Variants in FASN observed in about 807,000 individuals in gnomAD.
The protein encoded by FASN is fatty acid synthase.
In FASN, 50 loss-of-function variants were observed where a neutral mutation model predicts 250.0. The observed-to-expected ratio is 0.20, with a 90% confidence interval of 0.16 to 0.25. The LOEUF (loss-of-function observed/expected upper bound fraction) is 0.25, where lower values mean the gene tolerates loss of function less well. Among genes scored for constraint, FASN ranks in the 10% least tolerant of loss-of-function variants. The pLI is 1.00. For missense variants in FASN, 3,031 were observed against 3,498.5 expected, an observed-to-expected ratio of 0.87 and a Z score of 3.37; for synonymous variants, 1,909 against 1,584.0, an observed-to-expected ratio of 1.21 and a Z score of -4.87.
Position 82,080,254 on chromosome 17 carries a change from G to A in FASN, c.7048-16C>T. On this transcript the variant is annotated splice_polypyrimidine_tract_variant and intron_variant, in intron 40 of 42. Transcript: ENST00000306749. ...CCCGGTAGCTCTGAGAGGAAGGAGG[G>A]ACTGCTGAGCAGATGGAAGGGGCGG... 1 of 1,612,788 alleles carries A rather than the reference G, an allele frequency of 6.2e-7. No homozygotes were observed. Among genetic ancestry groups the A allele is most frequent in the Non-Finnish European group, 8.5e-7 (1 of 1,179,822 alleles).
rs2034033500 is a variant in FASN at position 82,083,701 on chromosome 17, G to A, written c.5219-62C>T. The A allele has an allele frequency of 4.4e-6, 7 of 1,605,922 alleles. No individual in the cohort carries two copies. The East Asian group carries it at 8.9e-5, about 21-fold the overall frequency. On this transcript the variant is annotated intron_variant, in intron 30 of 42. Coordinates refer to ENST00000306749, the MANE Select transcript of FASN (RefSeq NM_004104.5). ...GCAAGCCCAGCCACCACAGTCCAGA[G>A]GGCCAGACCCTGCTTCTCCCTGGGC...
Position 82,079,114 on chromosome 17 carries a change from G to T in FASN, c.*29C>A. 6.2e-7 allele frequency: 1 copy of T among 1,600,808 alleles called. No homozygotes were observed. Among genetic ancestry groups the T allele is most frequent in the Non-Finnish European group, 8.5e-7 (1 of 1,177,832 alleles). On this transcript the variant is annotated 3_prime_UTR_variant, in exon 43 of 43. Transcript: ENST00000306749. ...TGGGGTGGGGTGGGGATGGTGGAGT[G>T]ACCTCCGGTGGCAGGCGGGGGCACG...
rs747450882 is a variant in FASN at position 82,087,514 on chromosome 17, G to A, written c.3044-10C>T. On this transcript the variant is annotated splice_polypyrimidine_tract_variant and intron_variant, in intron 19 of 42. Transcript: ENST00000306749. ...AGCCTCCCCGAGTCACCTGCACACA[G>A]GGCCTGGTTGGTGCTGTGGAACTCC... is the stretch of plus-strand genomic sequence containing the variant. 1 of 1,611,718 alleles carries A rather than the reference G, an allele frequency of 6.2e-7. No individual in the cohort carries two copies. The highest frequency in any genetic ancestry group is 8.5e-7 in the Non-Finnish European group (1 of 1,179,954).
rs753346824 is a variant in FASN, at chr17:82,084,571, G to A, written c.4710C>T (p.Ser1570=). The A allele has an allele frequency of 1.5e-5, 24 of 1,611,586 alleles. 1 individual carries two copies. Among genetic ancestry groups the A allele is most frequent in the Admixed American group, 3.3e-5 (2 of 59,856 alleles). The part of the protein sequence containing the change: ...GAQLCTVYYA[S]LNFRDIMLAT... ...CCAGCATGATGTCGCGGAAGTTGAG[G>A]GAGGCGTAGTAGACCGTGCAGAGCT... The change falls in exon 27 of 43, where the codon TCC becomes TCT. Residue 1570 remains serine, a synonymous_variant. Transcript: ENST00000306749.
chr17:82,086,432 G>A lies in FASN; in HGVS notation c.3554C>T (p.Ala1185Val). ...GTTCCCGTTGAGCTGAAGCCTGCAG[G>A]CAGCCGACAACAGCCGGGGCAGTTC... is the stretch of plus-strand genomic sequence containing the variant. ...QQELPRLLSA[A>V]CRLQLNGNLQ... The change falls in exon 22 of 43, where the codon GCC (alanine) becomes GTC (valine). Residue 1185 changes from alanine to valine, a missense_variant. Coordinates refer to ENST00000306749, the MANE Select transcript of FASN (RefSeq NM_004104.5). The A allele has an allele frequency of 5.0e-6, 8 of 1,611,822 alleles. No individual in the cohort carries two copies. Among genetic ancestry groups the A allele is most frequent in the Non-Finnish European group, 6.8e-6 (8 of 1,179,878 alleles).
In FASN at chr17:82,089,342, C is replaced by T. The variant is rs1011236689; in HGVS notation, c.2008G>A (p.Val670Met). The T allele has an allele frequency of 6.2e-7, 1 of 1,612,862 alleles. No individual in the cohort carries two copies. The highest frequency in any genetic ancestry group is 1.3e-5 in the African/African-American group (1 of 75,042). Residue 670 changes from valine (V) to methionine (M), a missense_variant, in exon 13 of 43, where the codon GTG (valine) becomes ATG (methionine). Transcript: ENST00000306749. ...EFVEQLRKEGVFAKEVRTGGM... is the reference protein window; with the variant it reads ...EFVEQLRKEGMFAKEVRTGGM... ...CCGGTCCGCACCTCCTTGGCAAACA[C>T]ACCCTCCTTCCTCAGCTGCTCCACG...
In FASN at chr17:82,089,703, G is replaced by T. The variant is rs1180733753; in HGVS notation, c.1894C>A (p.Gln632Lys). 6.3e-7 allele frequency: 1 copy of T among 1,586,264 alleles called. No individual in the cohort carries two copies. Residue 632 changes from glutamine to lysine, a missense_variant, in exon 12 of 43, where the codon CAG (glutamine) becomes AAG (lysine). Physicochemically the swap from Gln to Lys is moderately conservative, Grantham distance 53. Transcript: ENST00000306749. ...AVGLSWEECK[Q>K]RCPPGVVPAC... ...GGCACCACGCCCGGGGGGCAGCGCTGTTTACACTCCTCCCAGGACAAGCCT... is the reference window on the plus strand; with the variant it reads ...GGCACCACGCCCGGGGGGCAGCGCTTTTTACACTCCTCCCAGGACAAGCCT...
At chr17:82,091,164 C>A in intron 9 of FASN, 58 bp downstream of exon 9, 1 of 1,599,386 alleles carries the variant, frequency 6.3e-7, no homozygotes, top group East Asian at 2.2e-5. Context: ...CCACCAGCTC[C>A]AGTTCGCCTG....
At chr17:82,096,908 C>A in intron 1 of FASN, 2 of 271,488 alleles carry the variant, frequency 7.4e-6, no homozygotes, top group South Asian at 7.5e-5. Flanking sequence ...AGGTGGCCAG[C>A]CTGCTAAGGG....
chr17:82,096,364 C>T lies in FASN; in HGVS notation c.82G>A (p.Gly28Ser), dbSNP rs1255742032. 8 of 1,612,900 alleles carry T rather than the reference C, an allele frequency of 5.0e-6. No homozygotes were observed. The highest frequency in any genetic ancestry group is 1.1e-5 in the South Asian group (1 of 91,094). ...TCGTCCGTGACCATGTCCACACCGC[C>T]GATGAGGTTGTCCCAGAACTCCTGC... is the stretch of plus-strand genomic sequence containing the variant. Reference protein sequence around the residue: ...NLQEFWDNLIGGVDMVTDDDR... With the variant: ...NLQEFWDNLISGVDMVTDDDR... Residue 28 changes from glycine to serine, a missense_variant, in exon 2 of 43, where the codon GGC (glycine) becomes AGC (serine). By Grantham distance (56) the Gly-to-Ser change is moderately conservative. Coordinates refer to ENST00000306749, the MANE Select transcript of FASN (RefSeq NM_004104.5).
chr17:82,084,209 A>C, intron 28 of FASN, 25 bp downstream of exon 28: 1 of 1,610,598 alleles, frequency 6.2e-7, no homozygotes, highest in Non-Finnish European at 8.5e-7. Flanking sequence ...CGTGGGGCCC[A>C]GGCTCACACC....
chr17:82,090,789 G>A (rs1568114738), intron 10 of FASN, 93 bp downstream of exon 10: 1 of 1,447,688 alleles, frequency 6.9e-7, no homozygotes, highest in East Asian at 2.5e-5. Flanking sequence ...GGGCTGTCAG[G>A]GGCCCCGGAC....
intron 12 of FASN, 56 bp from the exon 13 acceptor site, chr17:82,089,440 G>A (rs867897507): frequency 1.4e-5 from 23 of 1,612,202 alleles, no homozygotes; most frequent in Middle Eastern, 3.3e-4. Context: ...CCTCAGGCTC[G>A]GAGAGGTAGG....
Position 82,080,045 on chromosome 17 carries a change from T to G in FASN, c.7146+95A>C. 3.0e-6 allele frequency: 4 copies of G among 1,347,898 alleles called. No homozygotes were observed. The South Asian group carries it at 4.7e-5, about 16-fold the overall frequency. 83.5% of individuals were successfully genotyped at this position (1,347,898 alleles called of 1,614,324 possible). A position where few individuals can be genotyped will look rare whatever the true frequency, so the allele number is the denominator to read the frequency against. ...TAAAGGGGTGAAGTTGGGGGGCCTT[T>G]AACGCTCTTCGCGTCCCATCCCATC... On this transcript the variant is annotated intron_variant, in intron 41 of 42. Coordinates refer to ENST00000306749, the MANE Select transcript of FASN (RefSeq NM_004104.5).
Position 82,085,020 on chromosome 17 carries a change from G to C in FASN, c.4409+15C>G, listed in dbSNP as rs1351528132. The stretch of plus-strand genomic sequence containing the variant: ...CTGGTGGGGAAGGGGAAGTGGTGAG[G>C]GGCCGTGCTCCTACCGGAGGCGGTT... On this transcript the variant is annotated intron_variant, in intron 25 of 42. Coordinates refer to ENST00000306749, the MANE Select transcript of FASN (RefSeq NM_004104.5). 4.4e-6 allele frequency: 7 copies of C among 1,601,750 alleles called. No individual in the cohort carries two copies. In the Admixed American group the frequency reaches 1.2e-4, roughly 27 times the overall value.
rs372701595 is a variant in FASN, at chr17:82,084,592, G to C, written c.4689C>G (p.Leu1563=). 9.9e-6 allele frequency: 16 copies of C among 1,610,560 alleles called. No individual in the cohort carries two copies. Among genetic ancestry groups the C allele is most frequent in the Non-Finnish European group, 1.3e-5 (15 of 1,179,102 alleles). ...HAQPTCPGAQ[L]CTVYYASLNF... is the part of the protein sequence containing the mutation. The stretch of plus-strand genomic sequence containing the variant: ...TGAGGGAGGCGTAGTAGACCGTGCA[G>C]AGCTGGGCGCCAGGGCAGGTGGGCT... The change falls in exon 27 of 43, where the codon CTC becomes CTG. Residue 1563 remains leucine (L), a synonymous_variant. Transcript: ENST00000306749.
Position 82,080,866 on chromosome 17 carries a change from T to A in FASN, c.6652A>T (p.Asn2218Tyr), listed in dbSNP as rs1311172539. 1 of 1,611,446 alleles carries A rather than the reference T, an allele frequency of 6.2e-7. No homozygotes were observed. The highest frequency in any genetic ancestry group is 8.5e-7 in the Non-Finnish European group (1 of 1,179,620). ...GGGTTCACCAGCAGGGAGCGCAGGT[T>A]CAGCTGAGTCTGCTGCTGGGCCAGA... ...DGLAQQQTQL[N>Y]LRSLLVNPEG... Residue 2218 changes from asparagine to tyrosine, a missense_variant, in exon 39 of 43, where the codon AAC becomes TAC. Asn to Tyr is a moderately radical substitution (Grantham distance 143). Coordinates refer to ENST00000306749, the MANE Select transcript of FASN (RefSeq NM_004104.5).
At chr17:82,089,809 T>G in intron 11 of FASN, 83 bp from the exon 12 acceptor site, 1 of 1,205,694 alleles carries the variant, frequency 8.3e-7, no homozygotes, top group Non-Finnish European at 1.2e-6. Flanking sequence ...TGCCTGCAGC[T>G]GGGGGCAGTA....
chr17:82,078,894 C>A lies in FASN; in HGVS notation c.*249G>T, dbSNP rs1250824241. On this transcript the variant is annotated 3_prime_UTR_variant, in exon 43 of 43. Coordinates refer to ENST00000306749, the MANE Select transcript of FASN (RefSeq NM_004104.5). This position sits in a 1 kb window ranked among gnomAD's most constrained non-coding sequence, Gnocchi z 5.4. Reference sequence around the variant, plus strand: ...AGGCCCAGCCCAGTTCCTGCGGGCACGGGCACCACCGGCTCTTCACAGACC... The same window carrying A: ...AGGCCCAGCCCAGTTCCTGCGGGCAAGGGCACCACCGGCTCTTCACAGACC... The A allele has an allele frequency of 3.4e-6, 2 of 584,994 alleles. No homozygotes were observed. Among genetic ancestry groups the A allele is most frequent in the Non-Finnish European group, 6.1e-6 (2 of 330,506 alleles). 36.2% of individuals were successfully genotyped at this position (584,994 alleles called of 1,614,324 possible).
Sources: gnomAD v4.1 joint callset for allele counts on GRCh38, gnomAD v4.1.1 for gene constraint, Gnocchi (gnomAD v3.1) non-coding constraint, MANE v1.5 for transcripts, NCBI Gene and HGNC (gene_info 2026-07-23, HGNC 2026-07-21) for gene names.